PDE1C: variants seen among roughly 807,000 people sequenced by gnomAD.
PDE1C encodes phosphodiesterase 1C.
A neutral mutation model predicts 93.1 loss-of-function variants in PDE1C; 62 were observed. That is an observed-to-expected ratio of 0.67 (90% CI 0.54 to 0.82). PDE1C has a LOEUF of 0.82. Ranked by LOEUF, PDE1C falls within the 40% of genes least tolerant of loss-of-function variation. The pLI, the probability that PDE1C is intolerant of heterozygous loss-of-function variation, is 0.00. For synonymous variants in PDE1C, 325 were observed against 310.1 expected, an observed-to-expected ratio of 1.05 and a Z score of -0.50; for missense variants, 742 against 884.6, an observed-to-expected ratio of 0.84 and a Z score of 2.04.
chr7:31,628,454 T>C, the PDE1C span, among the ~76,000 whole-genome samples: 3 of 149,420 alleles, frequency 2.0e-5, no homozygotes, highest in Non-Finnish European at 4.4e-5. Context: ...ATTCCTTTTT[T>C]TTTTTTCTTT....
At chr7:31,780,806 TGTGTGTG>T (rs1783353840) in intron 16 of PDE1C, among the ~76,000 whole-genome samples, 1 of 942 alleles carries the variant, frequency 1.1e-3, no homozygotes, top group African/African-American at 1.3e-3. Context: ...TGTGCATTTG[TGTGTGTG>T]TGTGTGTGTG....
At chr7:31,684,862 G>T in the PDE1C span, among the ~76,000 whole-genome samples, 1 of 152,132 alleles carries the variant, frequency 6.6e-6, no homozygotes, top group Non-Finnish European at 1.5e-5. Flanking sequence ...TATTGTAAAA[G>T]GAAACATGCA....
the PDE1C span, among the ~76,000 whole-genome samples, chr7:31,628,567 C>G: frequency 6.6e-6 from 1 of 151,846 alleles, no homozygotes; most frequent in Admixed American, 6.6e-5. Flanking sequence ...ACGCCATTCT[C>G]CTGCCTCAGC....
At chr7:32,239,548 A>T (rs1391024877) in intron 1 of PDE1C, among the ~76,000 whole-genome samples, 2 of 152,260 alleles carry the variant, frequency 1.3e-5, no homozygotes, top group Non-Finnish European at 2.9e-5. Flanking sequence ...AATTAGATAA[A>T]GTAGATAAAC....
At chr7:31,787,234 T>C (rs572887544) in intron 16 of PDE1C, 1 of 152,294 alleles carries the variant, frequency 6.6e-6, no homozygotes, top group South Asian at 2.1e-4. Flanking sequence ...GGCTTTCAGA[T>C]GTTTAGATAT....
chr7:32,049,974 C>T (rs576365227), intron 2 of PDE1C, among the ~76,000 whole-genome samples: 3 of 152,316 alleles, frequency 2.0e-5, no homozygotes, highest in African/African-American at 7.2e-5. Context: ...CTACTACATG[C>T]CTAGGCTGTT....
intron 2 of PDE1C, chr7:32,209,399 G>A (rs946195437): frequency 9.7e-7 from 1 of 1,036,156 alleles, no homozygotes; most frequent in Admixed American, 2.8e-5. Flanking sequence ...ACACCTGACA[G>A]AATTGAAGAG....
At chr7:32,235,102 C>T (rs1449163727) in intron 1 of PDE1C, among the ~76,000 whole-genome samples, 1 of 151,930 alleles carries the variant, frequency 6.6e-6, no homozygotes, top group Non-Finnish European at 1.5e-5. Flanking sequence ...AAGGTGCATC[C>T]TTACCCTGAT....
At chr7:32,172,688 G>A (rs77145651) in intron 2 of PDE1C, among the ~76,000 whole-genome samples, 18,174 of 151,984 alleles carry the variant, frequency 0.12, 1,287 homozygotes, top group East Asian at 0.26. Flanking sequence ...CGGGCATGGT[G>A]GTGCATGGCT....
chr7:32,294,995 A>G (rs1425775862), intron 1 of PDE1C, among the ~76,000 whole-genome samples: 1 of 152,170 alleles, frequency 6.6e-6, no homozygotes, highest in Non-Finnish European at 1.5e-5. Context: ...AGACCTTTTG[A>G]CCACATACCC....
intron 1 of PDE1C, among the ~76,000 whole-genome samples, chr7:32,417,694 C>T (rs80231336): frequency 0.14 from 20,996 of 147,794 alleles, 2,689 homozygotes; most frequent in African/African-American, 0.34. Context: ...AAAAATCATA[C>T]TGTGCACATA....
intron 3 of PDE1C, among the ~76,000 whole-genome samples, chr7:32,129,189 G>C (rs1799777844): frequency 6.6e-6 from 1 of 150,828 alleles, no homozygotes; most frequent in African/African-American, 2.4e-5. Context: ...TAATCTGTTG[G>C]TTGTACTAGA....
At chr7:31,725,616 T>C in the PDE1C span, among the ~76,000 whole-genome samples, 2 of 152,296 alleles carry the variant, frequency 1.3e-5, no homozygotes, top group South Asian at 2.1e-4. Flanking sequence ...TCTTTGAATG[T>C]TGAAGTAAAA....
chr7:32,113,263 A>ATATATATATATATATATATATATATATG (rs1798781841), intron 3 of PDE1C, among the ~76,000 whole-genome samples: 1 of 138,426 alleles, frequency 7.2e-6, no homozygotes, highest in South Asian at 2.3e-4. Context: ...ATATATATAT[A>ATATATATATATATATATATATATATATG]TGGATGTGGA....
intron 12 of PDE1C, 76 bp downstream of exon 12, chr7:31,828,216 C>G: frequency 8.5e-7 from 1 of 1,174,884 alleles, no homozygotes; most frequent in South Asian, 1.3e-5. Flanking sequence ...AGCCAAAGAA[C>G]CACTGGGATC....
chr7:31,651,011 C>A, the PDE1C span: 2 of 941,126 alleles, frequency 2.1e-6, no homozygotes, highest in East Asian at 5.5e-5. Flanking sequence ...CCTATTCCCT[C>A]CCCCTTATAT....
At chr7:32,298,315 G>A (rs1437987109) in intron 1 of PDE1C, among the ~76,000 whole-genome samples, 1 of 151,880 alleles carries the variant, frequency 6.6e-6, no homozygotes, top group Non-Finnish European at 1.5e-5. Context: ...TCTCTCCATC[G>A]CAGCGTCTCC....
chr7:32,246,469 G>A lies in PDE1C; in HGVS notation c.86-36930C>T, dbSNP rs376737177. 2.4e-4 allele frequency among the ~76,000 whole-genome samples: 36 copies of A among 152,178 alleles called. No homozygotes were observed. In the East Asian group the frequency reaches 5.4e-3, roughly 23 times the overall value. ...CCAGAAGATCAGACACTGCCACAGC[G>A]AACACAGCCCTAACTAGCTACTGGC... On this transcript the variant is annotated intron_variant, in intron 1 of 18. Transcript: ENST00000396193.
In PDE1C at chr7:31,816,142, T is replaced by C. The variant is rs774758353; in HGVS notation, c.1595A>G (p.Lys532Arg). ...RAKVPKEEKA[K>R]KEAEEKARLA... ...GCGAGCCTTTTCCTCTGCTTCCTTCTTGGCCTTCTCCTCTGCATCCATGGC... is the reference window on the plus strand; with the variant it reads ...GCGAGCCTTTTCCTCTGCTTCCTTCCTGGCCTTCTCCTCTGCATCCATGGC... The change falls in exon 15 of 18, where the codon AAG becomes AGG. Residue 532 changes from lysine to arginine, a missense_variant. By Grantham distance (26) the Lys-to-Arg change is conservative (BLOSUM62 2). This residue lies in a region of PDE1C where 454 missense variants were observed against 459.4 expected (regional missense o/e 0.99). Coordinates refer to ENST00000396191, the MANE Select transcript of PDE1C (RefSeq NM_001191057.4). The C allele has an allele frequency of 8.1e-6, 13 of 1,613,710 alleles. No homozygotes were observed. In the South Asian group the frequency reaches 1.4e-4, roughly 18 times the overall value.
Sources: allele counts gnomAD v4.1 joint callset (sites outside exome capture counted in the v4.1 genomes callset), GRCh38; gene constraint gnomAD v4.1.1; regional missense constraint gnomAD v4.1.1; transcripts MANE v1.5; gene names NCBI Gene and HGNC (gene_info 2026-07-23, HGNC 2026-07-21).